IGSF22: variants seen among roughly 807,000 people sequenced by gnomAD.
IGSF22 encodes the protein immunoglobulin superfamily, member 22.
In IGSF22, 119 loss-of-function variants were observed where a neutral mutation model predicts 127.0. The observed-to-expected ratio is 0.94, with a 90% confidence interval of 0.81 to 1.09. The LOEUF (loss-of-function observed/expected upper bound fraction) is 1.09, where lower values mean the gene tolerates loss of function less well. Ranked by LOEUF, IGSF22 falls within the 50% of genes least tolerant of loss-of-function variation. The probability of loss-of-function intolerance (pLI) is 0.00; values close to 1 mark genes in which losing one functional copy is unlikely to be tolerated. For missense variants in IGSF22, 1,518 were observed against 1,716.6 expected (o/e 0.88, Z 2.04); for synonymous variants, 568 against 664.7 (o/e 0.85, Z 2.24).
rs1848467660 is a variant in IGSF22, at chr11:18,716,642, A to G, written c.1246+86T>C. ...GGCTTTGCAAAAAGGAGATGGATGG[A>G]TAGATGGATATATAAATGATGACTA... On this transcript the variant is annotated intron_variant, in intron 10 of 22. Coordinates refer to ENST00000513874, the MANE Select transcript of IGSF22 (RefSeq NM_173588.4). The surrounding 1 kb of genome is among the most constrained non-coding windows in gnomAD (Gnocchi z 4.5). 7.3e-7 allele frequency: 1 copy of G among 1,375,938 alleles called. No individual in the cohort carries two copies. 85.2% of individuals were successfully genotyped at this position (1,375,938 alleles called of 1,614,324 possible).
In IGSF22 at chr11:18,716,922, A is replaced by T. The variant is rs1848473337; in HGVS notation, c.1052T>A (p.Leu351His). 1 of 1,613,992 alleles carries T rather than the reference A, an allele frequency of 6.2e-7. No homozygotes were observed. The highest frequency in any genetic ancestry group is 1.3e-5 in the African/African-American group (1 of 74,896). Residue 351 changes from leucine (L) to histidine (H), a missense_variant, in exon 10 of 23, where the codon CTC becomes CAC. By Grantham distance (99) the Leu-to-His change is moderately conservative. Around this residue, in one of 3 missense-constraint regions of IGSF22, gnomAD observed 1,456 missense variants for 1,644.9 expected, o/e 0.89. Coordinates refer to ENST00000513874, the MANE Select transcript of IGSF22 (RefSeq NM_173588.4). The surrounding 1 kb of genome is among the most constrained non-coding windows in gnomAD (Gnocchi z 4.5). ...CACAAAGTTGGGCTCTTTCTTGGAG[A>T]GGCGGATCTCAAACACAGCTGTCTG... ...ERQTAVFEIR[L>H]SKKEPNFVWK...
chr11:18,710,898 C>T, intron 15 of IGSF22, 70 bp from the exon 16 acceptor site: 2 of 1,365,938 alleles, frequency 1.5e-6, no homozygotes, highest in Non-Finnish European at 2.1e-6. Context: ...CTCATGCTGA[C>T]TTCTGCCTCG....
chr11:18,722,292 A>G (rs1312055920), intron 2 of IGSF22, among the ~76,000 whole-genome samples: 1 of 126,960 alleles, frequency 7.9e-6, no homozygotes, highest in Non-Finnish European at 1.6e-5. Flanking sequence ...ATGGGGCCAC[A>G]GCCCTGAGTC....
At position 18,709,963 on chromosome 11, in the gene IGSF22, C is replaced by G. The variant is rs146050493; in HGVS notation, c.2702-280G>C. Among the ~76,000 whole-genome samples the G allele has an allele frequency of 6.6e-6, 1 of 152,258 alleles. No homozygotes were observed. The highest frequency in any genetic ancestry group is 1.9e-4 in the East Asian group (1 of 5,190). Reference sequence around the variant, plus strand: ...GTATTCAAAACCCCAGCCTTTAACCCAACCATCTCCACCACATCCACTTCC... The same window carrying G: ...GTATTCAAAACCCCAGCCTTTAACCGAACCATCTCCACCACATCCACTTCC... On this transcript the variant is annotated intron_variant, in intron 17 of 22. Coordinates refer to ENST00000513874, the MANE Select transcript of IGSF22 (RefSeq NM_173588.4). The surrounding 1 kb of genome is among the most constrained non-coding windows in gnomAD (Gnocchi z 4.8).
rs778823836 is a variant in IGSF22 at position 18,707,837 on chromosome 11, C to G, written c.3247G>C (p.Glu1083Gln). 6.2e-7 allele frequency: 1 copy of G among 1,610,714 alleles called. No homozygotes were observed. ...CGCACATGGATGTCATAGCGTGCTT[C>G]TCCAAACTCATTCTGAAGCAAGATT... ...YRILLQNEFG[E>Q]ARYDIHVRVA... is the part of the protein sequence containing the mutation. The change falls in exon 20 of 23, where the codon GAA becomes CAA. Residue 1083 changes from glutamate (E) to glutamine (Q), a missense_variant. This residue lies in a region of IGSF22 where 1,456 missense variants were observed against 1,644.9 expected (regional missense o/e 0.89). Coordinates refer to ENST00000513874, the MANE Select transcript of IGSF22 (RefSeq NM_173588.4).
At chr11:18,706,803 C>T in intron 21 of IGSF22, 111 bp downstream of exon 21, 1 of 845,112 alleles carries the variant, frequency 1.2e-6, no homozygotes, top group East Asian at 2.8e-5. Context: ...ACCGTTCTAT[C>T]TCAATGGTTT....
chr11:18,720,363 CTTTTT>C, intron 4 of IGSF22, 78 bp from the exon 5 acceptor site: 1 of 845,268 alleles, frequency 1.2e-6, no homozygotes, highest in Non-Finnish European at 1.8e-6. Flanking sequence ...GGTAGGAGGC[CTTTTT>C]TTTTTTTAGG....
chr11:18,704,856 G>C (rs78847254), intron 22 of IGSF22: 4,483 of 314,496 alleles, frequency 0.014, 215 homozygotes, highest in African/African-American at 0.088. Context: ...CCCATTTGCT[G>C]TGCTTACAAG....
Position 18,707,065 on chromosome 11 carries a change from G to A in IGSF22, c.3429C>T (p.Tyr1143=). The change falls in exon 21 of 23, where the codon TAC becomes TAT. Residue 1143 remains tyrosine, a synonymous_variant. Transcript: ENST00000513874. ...TGCTGAAGACACGCTCGGCTGCCGT[G>A]TACCAGGTGGCTGTGCTTGCATCCC... ...MKRDASTATW[Y]TAAERVFSNK... 6.4e-7 allele frequency: 1 copy of A among 1,551,724 alleles called. No homozygotes were observed. Among genetic ancestry groups the A allele is most frequent in the Non-Finnish European group, 8.7e-7 (1 of 1,147,002 alleles).
At chr11:18,722,171 CAGCTACA>C in intron 2 of IGSF22, 130 bp from the exon 3 acceptor site, 1 of 1,062,156 alleles carries the variant, frequency 9.4e-7, no homozygotes, top group Non-Finnish European at 1.4e-6. Context: ...GGAGCAGGAC[CAGCTACA>C]TGGGGAGAAA....
At chr11:18,715,384 C>A (rs756674539) in intron 11 of IGSF22, 48 bp downstream of exon 11, 1 of 1,562,710 alleles carries the variant, frequency 6.4e-7, no homozygotes, top group Non-Finnish European at 8.7e-7. Flanking sequence ...TAAGGGAATG[C>A]CAGGGTCAGG....
chr11:18,716,982 A>G lies in IGSF22; in HGVS notation c.992T>C (p.Leu331Pro), dbSNP rs776710186. Residue 331 changes from leucine (L) to proline (P), a missense_variant, in exon 10 of 23, where the codon CTG (leucine) becomes CCG (proline). Leu to Pro is a moderately conservative substitution (Grantham distance 98). This residue lies in a region of IGSF22 where 1,456 missense variants were observed against 1,644.9 expected (regional missense o/e 0.89). Coordinates refer to ENST00000513874, the MANE Select transcript of IGSF22 (RefSeq NM_173588.4). This position sits in a 1 kb window ranked among gnomAD's most constrained non-coding sequence, Gnocchi z 4.5. ...LTVLDEPLKF[L>P]GEMKPVKVTE... is the part of the protein sequence containing the mutation. ...CACCTTCACAGGCTTCATCTCTCCC[A>G]GGAACTTCAGTGGCTCATCTGCAGC... 2 of 1,614,130 alleles carry G rather than the reference A, an allele frequency of 1.2e-6. No individual in the cohort carries two copies. Among genetic ancestry groups the G allele is most frequent in the South Asian group, 2.2e-5 (2 of 91,076 alleles).
At chr11:18,724,055 G>A in intron 2 of IGSF22, 73 bp downstream of exon 2, 1 of 1,249,850 alleles carries the variant, frequency 8.0e-7, no homozygotes, top group Non-Finnish European at 1.2e-6. Flanking sequence ...CAAAACTGGG[G>A]CCACCCAAGG....
chr11:18,721,378 A>C (rs1425737549), intron 4 of IGSF22, among the ~76,000 whole-genome samples, 157 bp downstream of exon 4: 1 of 151,636 alleles, frequency 6.6e-6, no homozygotes, highest in East Asian at 2.0e-4. Flanking sequence ...GGCCTCTCTT[A>C]TCCTGCCGCG....
At chr11:18,707,272 C>T (rs903360148) in intron 20 of IGSF22, 59 bp from the exon 21 acceptor site, 139 of 1,399,554 alleles carry the variant, frequency 9.9e-5, no homozygotes, top group Non-Finnish European at 1.3e-4. Context: ...TATGTCCCCA[C>T]CCCAGCCATC....
intron 10 of IGSF22, 87 bp from the exon 11 acceptor site, chr11:18,715,803 C>A: frequency 7.0e-7 from 1 of 1,424,410 alleles, no homozygotes; most frequent in Non-Finnish European, 9.6e-7. Flanking sequence ...GTCCCTCTTT[C>A]TGTCCCCAGA....
rs759390041 is a variant in IGSF22, at chr11:18,713,844, GCCCTGACCCAGCA to G, written c.2090_2095+7del. 3.7e-6 allele frequency: 6 copies of G among 1,606,070 alleles called. No individual in the cohort carries two copies. The South Asian group carries it at 6.7e-5, about 18-fold the overall frequency. On this transcript the variant is annotated splice_donor_variant and splice_donor_5th_base_variant and coding_sequence_variant and intron_variant, in exon 14 of 23. Coordinates refer to ENST00000513874, the MANE Select transcript of IGSF22 (RefSeq NM_173588.4). LOFTEE classifies it high-confidence loss of function. ...GCTCAGCCCAGCCCGGACTGGCCCT[GCCCTGACCCAGCA>G]CACTAAGGTGCAGAGTGGCCGTGGC... is the stretch of plus-strand genomic sequence containing the variant.
At chr11:18,704,764 A>G (rs975639288) in intron 22 of IGSF22, 4 of 500,456 alleles carry the variant, frequency 8.0e-6, no homozygotes, top group South Asian at 2.3e-5. Context: ...TCATAGTCCT[A>G]TAAAGAAGAT....
intron 19 of IGSF22, 50 bp downstream of exon 19, chr11:18,708,157 A>C (rs1590436230): frequency 2.6e-6 from 4 of 1,531,898 alleles, no homozygotes; most frequent in Non-Finnish European, 3.5e-6. Context: ...TACAATAGCC[A>C]TCTTGGTTAT....
Sources: allele counts gnomAD v4.1 joint callset (sites outside exome capture counted in the v4.1 genomes callset), GRCh38; gene constraint gnomAD v4.1.1; regional missense constraint gnomAD v4.1.1; non-coding constraint Gnocchi (gnomAD v3.1); transcripts MANE v1.5; gene names NCBI Gene and HGNC (gene_info 2026-07-23, HGNC 2026-07-21).